TUSC3: variants seen among roughly 807,000 people sequenced by gnomAD.
TUSC3 encodes tumor suppressor candidate 3.
Under a neutral mutation model 44.8 loss-of-function variants are expected in TUSC3, and 45 were observed. The observed-to-expected ratio is 1.00, with a 90% CI of 0.79 to 1.29. TUSC3 has a LOEUF of 1.29. Among genes scored for constraint, TUSC3 ranks in the 50% most tolerant of loss-of-function variants. The probability of loss-of-function intolerance (pLI) is 0.00; values close to 1 mark genes in which losing one functional copy is unlikely to be tolerated. For synonymous variants in TUSC3, 212 were observed against 152.9 expected (o/e 1.39, Z -2.85); for missense variants, 519 against 437.9 (o/e 1.19, Z -1.65).
At chr8:15,622,429 A>T (rs1230677175) in intron 1 of TUSC3, among the ~76,000 whole-genome samples, 1 of 151,686 alleles carries the variant, frequency 6.6e-6, no homozygotes, top group Non-Finnish European at 1.5e-5. Context: ...CACCATTCCC[A>T]GCCTATAAGA....
At chr8:15,512,283 G>C (rs997061358) in intron 2 of TUSC3, among the ~76,000 whole-genome samples, 3 of 152,130 alleles carry the variant, frequency 2.0e-5, no homozygotes, top group Non-Finnish European at 4.4e-5. Flanking sequence ...ACCATAACGA[G>C]GGTGGGCCTC....
intron 2 of TUSC3, among the ~76,000 whole-genome samples, chr8:15,644,068 T>C (rs1206906572): frequency 6.6e-6 from 1 of 152,234 alleles, no homozygotes; most frequent in East Asian, 1.9e-4. Flanking sequence ...ATTATATTCA[T>C]CATGGGAAAT....
At chr8:15,782,721 C>A in the TUSC3 span, among the ~76,000 whole-genome samples, 5 of 152,090 alleles carry the variant, frequency 3.3e-5, no homozygotes, top group Non-Finnish European at 5.9e-5. Context: ...AAATTACTTA[C>A]AGAAAGAATG....
chr8:15,576,460 C>CA (rs1803120554), intron 1 of TUSC3, among the ~76,000 whole-genome samples: 1 of 115,538 alleles, frequency 8.7e-6, no homozygotes, highest in African/African-American at 3.2e-5. Context: ...TCCCTCCCCC[C>CA]CTCCCCCCAC....
chr8:15,678,231 C>G (rs1808272765), intron 6 of TUSC3, among the ~76,000 whole-genome samples: 1 of 152,150 alleles, frequency 6.6e-6, no homozygotes, highest in South Asian at 2.1e-4. Flanking sequence ...GTTATTACTT[C>G]TCCAGCACTG....
chr8:15,843,408 T>C, the TUSC3 span, among the ~76,000 whole-genome samples: 1 of 152,210 alleles, frequency 6.6e-6, no homozygotes, highest in Non-Finnish European at 1.5e-5. Context: ...CAGAATGTTA[T>C]TTAACTCTTC....
the TUSC3 span, among the ~76,000 whole-genome samples, chr8:15,820,476 C>T: frequency 7.2e-5 from 11 of 152,024 alleles, no homozygotes; most frequent in Non-Finnish European, 1.6e-4. Context: ...CACACCACCA[C>T]GCCCAGCTAA....
the TUSC3 span, among the ~76,000 whole-genome samples, chr8:15,812,614 C>CA: frequency 5.5e-4 from 84 of 152,212 alleles, no homozygotes; most frequent in African/African-American, 2.0e-3. Context: ...CCACTTGTCC[C>CA]AAAAAAGGCA....
intron 9 of TUSC3, among the ~76,000 whole-genome samples, chr8:15,755,169 C>T (rs1239463339): frequency 1.3e-5 from 2 of 152,212 alleles, no homozygotes; most frequent in East Asian, 3.9e-4. Flanking sequence ...AATACCCAGC[C>T]TGCTCGTTAC....
intron 6 of TUSC3, among the ~76,000 whole-genome samples, chr8:15,702,816 C>A (rs2129195997): frequency 6.6e-6 from 1 of 152,236 alleles, no homozygotes; most frequent in Admixed American, 6.6e-5. Flanking sequence ...CAACTAACTT[C>A]TCTTTAGCTT....
intron 1 of TUSC3, among the ~76,000 whole-genome samples, chr8:15,423,840 C>G (rs767409366): frequency 3.3e-5 from 5 of 152,042 alleles, no homozygotes; most frequent in Admixed American, 1.3e-4. Flanking sequence ...ACAGGAAGGA[C>G]TAGAAGGCTC....
At position 15,490,521 on chromosome 8, in the gene TUSC3, C is replaced by A. The variant is rs754671559; in HGVS notation, n.189+7038C>A. On this transcript the variant is annotated intron_variant and non_coding_transcript_variant, in intron 2 of 5. Coordinates refer to the TUSC3 transcript ENST00000503191. ...TGACGTTGAGGTTTGGGAAATGCAG[C>A]CTGCAGAGGCCAGCACTGAAGGAGA... 2.0e-4 allele frequency among the ~76,000 whole-genome samples: 30 copies of A among 152,158 alleles called. 1 individual carries two copies. The highest frequency in any genetic ancestry group is 4.1e-4 in the Non-Finnish European group (28 of 68,032).
intron 9 of TUSC3, among the ~76,000 whole-genome samples, chr8:15,753,416 T>C (rs1811789468): frequency 6.6e-6 from 1 of 152,126 alleles, no homozygotes; most frequent in Non-Finnish European, 1.5e-5. Flanking sequence ...ATACGTGAAT[T>C]ATTTTGCTCT....
At chr8:15,624,508 A>G (rs1002947335) in intron 2 of TUSC3, among the ~76,000 whole-genome samples, 3 of 152,204 alleles carry the variant, frequency 2.0e-5, no homozygotes, top group African/African-American at 7.2e-5. Flanking sequence ...ATTCTGATAG[A>G]TACTGTAGTA....
At chr8:15,618,605 G>T (rs73524594) in intron 1 of TUSC3, among the ~76,000 whole-genome samples, 1 of 152,106 alleles carries the variant, frequency 6.6e-6, no homozygotes, top group Non-Finnish European at 1.5e-5. Context: ...TGGACACCTC[G>T]TAAAGGACCT....
At chr8:15,753,641 T>G (rs1008979258) in intron 9 of TUSC3, among the ~76,000 whole-genome samples, 2 of 152,136 alleles carry the variant, frequency 1.3e-5, no homozygotes, top group Admixed American at 6.6e-5. Flanking sequence ...TTCCATTGCA[T>G]TAGTTTCCTT....
intron 2 of TUSC3, among the ~76,000 whole-genome samples, chr8:15,504,036 C>T (rs926412658): frequency 6.8e-6 from 1 of 146,692 alleles, no homozygotes; most frequent in Admixed American, 6.8e-5. Flanking sequence ...AAAAAAAATT[C>T]TGTAGAAAAG....
chr8:15,627,159 A>G (rs970419703), intron 2 of TUSC3, among the ~76,000 whole-genome samples: 26 of 152,210 alleles, frequency 1.7e-4, no homozygotes, highest in Admixed American at 1.6e-3. Flanking sequence ...TGCAGAGAGA[A>G]GCTGCCCACC....
chr8:15,812,698 A>C, the TUSC3 span, among the ~76,000 whole-genome samples: 1 of 152,200 alleles, frequency 6.6e-6, no homozygotes, highest in Non-Finnish European at 1.5e-5. Flanking sequence ...ACCTATTGCT[A>C]ATAGTACATG....
Sources: allele counts gnomAD v4.1 joint callset (sites outside exome capture counted in the v4.1 genomes callset), GRCh38; gene constraint gnomAD v4.1.1; transcripts MANE v1.5; gene names NCBI Gene and HGNC (gene_info 2026-07-23, HGNC 2026-07-21).